EYA1: variants seen among roughly 807,000 people sequenced by gnomAD.
EYA1 encodes protein phosphatase EYA1.
Under a neutral mutation model 82.0 loss-of-function variants are expected in EYA1, and 16 were observed. The ratio of observed to expected loss-of-function variants is 0.20; its 90% CI spans 0.13 to 0.30. The LOEUF (loss-of-function observed/expected upper bound fraction) is 0.30, where lower values mean the gene tolerates loss of function less well. Among genes scored for constraint, EYA1 ranks in the 10% least tolerant of loss-of-function variants. EYA1 has a pLI of 1.00. For missense variants in EYA1, 633 were observed against 730.7 expected, an observed-to-expected ratio of 0.87 and a Z score of 1.54; for synonymous variants, 261 against 264.4, an observed-to-expected ratio of 0.99 and a Z score of 0.12.
chr8:71,271,783 G>A lies in EYA1; in HGVS notation c.941C>T (p.Ser314Leu). 3 of 1,614,186 alleles carry A rather than the reference G, an allele frequency of 1.9e-6. No homozygotes were observed. The highest frequency in any genetic ancestry group is 8.5e-7 in the Non-Finnish European group (1 of 1,180,034). ...RGRGRRNNNP[S>L]PPPDSDLERV... Reference sequence around the variant, plus strand: ...CTCAAGATCAGAATCTGGGGGAGGTGAAGGATTATTGTTTCTTCGGCCCCG... The same window carrying A: ...CTCAAGATCAGAATCTGGGGGAGGTAAAGGATTATTGTTTCTTCGGCCCCG... Residue 314 changes from serine (S) to leucine (L), a missense_variant, in exon 10 of 18, where the codon TCA (serine) becomes TTA (leucine). By Grantham distance (145) the Ser-to-Leu change is moderately radical. Coordinates refer to ENST00000340726, the MANE Select transcript of EYA1 (RefSeq NM_000503.6).
chr8:71,334,237 G>T (rs368920794), intron 3 of EYA1, 63 bp from the exon 4 acceptor site: 145 of 1,204,180 alleles, frequency 1.2e-4, no homozygotes, highest in Non-Finnish European at 1.7e-4. Flanking sequence ...ACATGGAAGA[G>T]AAGATATAAC....
At chr8:71,493,848 C>T (rs1398934272) in intron 2 of EYA1, among the ~76,000 whole-genome samples, 1 of 148,028 alleles carries the variant, frequency 6.8e-6, no homozygotes, top group Non-Finnish European at 1.5e-5. Context: ...ACGGTGAAAC[C>T]CCGTCTCTAC....
intron 2 of EYA1, among the ~76,000 whole-genome samples, chr8:71,452,619 G>A (rs928093556): frequency 6.6e-6 from 1 of 152,160 alleles, no homozygotes; most frequent in Admixed American, 6.5e-5. Context: ...AGCAATATTC[G>A]CTGTTCTGCA....
intron 2 of EYA1, among the ~76,000 whole-genome samples, chr8:71,378,068 G>A (rs183603194): frequency 2.1e-4 from 32 of 152,082 alleles, no homozygotes; most frequent in African/African-American, 7.0e-4. Flanking sequence ...TCCCATACAT[G>A]CTTCAATAAC....
intron 3 of EYA1, among the ~76,000 whole-genome samples, chr8:71,351,895 G>A (rs181251209): frequency 7.9e-5 from 12 of 152,262 alleles, no homozygotes; most frequent in African/African-American, 2.6e-4. Context: ...AGTGAAAAAA[G>A]ACAACCTATA....
intron 2 of EYA1, among the ~76,000 whole-genome samples, chr8:71,395,554 T>C (rs538282581): frequency 6.6e-6 from 1 of 152,306 alleles, no homozygotes; most frequent in African/African-American, 2.4e-5. Context: ...GATAATCATG[T>C]GGTTTTTGTC....
At chr8:71,462,348 C>T (rs142650059) in intron 2 of EYA1, among the ~76,000 whole-genome samples, 202 of 152,264 alleles carry the variant, frequency 1.3e-3, no homozygotes, top group Non-Finnish European at 2.0e-3. Flanking sequence ...CACACCCAGC[C>T]GGGCTCAGCT....
intron 12 of EYA1, among the ~76,000 whole-genome samples, chr8:71,241,376 C>A (rs1812464108): frequency 6.6e-6 from 1 of 152,162 alleles, no homozygotes; most frequent in South Asian, 2.1e-4. Flanking sequence ...AAAATTATAC[C>A]TTAAATTTTC....
intron 2 of EYA1, among the ~76,000 whole-genome samples, chr8:71,463,842 T>C (rs902071608): frequency 1.1e-4 from 17 of 152,106 alleles, no homozygotes; most frequent in African/African-American, 4.1e-4. Flanking sequence ...TTTAATTGAC[T>C]TTCCTTTCCT....
At chr8:71,283,755 T>G (rs1489108578) in intron 9 of EYA1, among the ~76,000 whole-genome samples, 2 of 152,070 alleles carry the variant, frequency 1.3e-5, no homozygotes, top group Non-Finnish European at 2.9e-5. Context: ...CTCAACTGAT[T>G]GAAACAGTGC....
chr8:71,464,140 G>A (rs1808611835), intron 2 of EYA1, among the ~76,000 whole-genome samples: 1 of 151,980 alleles, frequency 6.6e-6, no homozygotes, highest in South Asian at 2.1e-4. Context: ...CTCCTCAGGC[G>A]CTGCTCTCCC....
At chr8:71,510,712 T>C (rs1018646931) in intron 2 of EYA1, among the ~76,000 whole-genome samples, 4 of 152,204 alleles carry the variant, frequency 2.6e-5, no homozygotes, top group Non-Finnish European at 4.4e-5. Context: ...CAAGGTAACA[T>C]TGGGTGTGGA....
rs62506652 is a variant in EYA1 at position 71,339,301 on chromosome 8, A to G, written c.125-5127T>C. On this transcript the variant is annotated intron_variant, in intron 3 of 17. Transcript: ENST00000340726. The stretch of plus-strand genomic sequence containing the variant: ...ATTTCTCCTAGCATCTCTTTTTGCC[A>G]AATTTTAATCTCAGGATGGGCAATC... Among the ~76,000 whole-genome samples the G allele has an allele frequency of 3.3e-5, 5 of 152,230 alleles. No homozygotes were observed. In the East Asian group the frequency reaches 9.7e-4, roughly 29 times the overall value.
At chr8:71,460,421 C>T (rs1002428231) in intron 2 of EYA1, among the ~76,000 whole-genome samples, 1 of 152,140 alleles carries the variant, frequency 6.6e-6, no homozygotes, top group African/African-American at 2.4e-5. Context: ...GAAGAGAGCA[C>T]TTATCTTTGT....
chr8:71,493,687 T>C (rs117317778), intron 2 of EYA1, among the ~76,000 whole-genome samples: 1,550 of 151,800 alleles, frequency 0.01, 11 homozygotes, highest in Middle Eastern at 0.034. Context: ...ATATTATATT[T>C]TTTCCAAGTG....
At chr8:71,252,226 G>C (rs145955379) in intron 11 of EYA1, among the ~76,000 whole-genome samples, 41 of 151,984 alleles carry the variant, frequency 2.7e-4, no homozygotes, top group African/African-American at 9.6e-4. Context: ...ACCAGATGAA[G>C]GCATTGTTGT....
intron 2 of EYA1, among the ~76,000 whole-genome samples, chr8:71,475,902 A>C (rs1809625017): frequency 6.6e-6 from 1 of 152,212 alleles, no homozygotes; most frequent in East Asian, 1.9e-4. Flanking sequence ...AGACATTTTT[A>C]GTTATCACTA....
At chr8:71,421,949 A>T (rs755562253) in intron 2 of EYA1, among the ~76,000 whole-genome samples, 1 of 152,236 alleles carries the variant, frequency 6.6e-6, no homozygotes, top group African/African-American at 2.4e-5. Context: ...TATCGGCGTC[A>T]GTATTCAAGG....
intron 2 of EYA1, among the ~76,000 whole-genome samples, chr8:71,451,810 G>C (rs1448004286): frequency 6.6e-6 from 1 of 152,190 alleles, no homozygotes; most frequent in Non-Finnish European, 1.5e-5. Context: ...TGGCCAACTA[G>C]GAACAGCTCC....
Sources: gnomAD v4.1 joint callset for allele counts (sites outside exome capture counted in the v4.1 genomes callset) on GRCh38, gnomAD v4.1.1 for gene constraint, MANE v1.5 for transcripts, NCBI Gene and HGNC (gene_info 2026-07-23, HGNC 2026-07-21) for gene names.